NEK1: variants seen among roughly 807,000 people sequenced by gnomAD.
NEK1 encodes NIMA related kinase 1.
In NEK1, 137 loss-of-function variants were observed where a neutral mutation model predicts 182.1. The observed-to-expected ratio is 0.75, with a 90% CI of 0.65 to 0.87. The LOEUF is 0.87. Ranked by LOEUF, NEK1 falls within the 40% of genes least tolerant of loss-of-function variation. NEK1 has a pLI of 0.00. For missense variants in NEK1, 1,391 were observed against 1,494.4 expected (o/e 0.93, Z 1.14); for synonymous variants, 513 against 492.2 (o/e 1.04, Z -0.56).
At chr4:169,567,025 G>C (rs1421653442) in intron 12 of NEK1, among the ~76,000 whole-genome samples, 2 of 152,006 alleles carry the variant, frequency 1.3e-5, no homozygotes, top group Non-Finnish European at 2.9e-5. Flanking sequence ...GGGAGGTGGA[G>C]GTTGTAGTGA....
intron 26 of NEK1, among the ~76,000 whole-genome samples, chr4:169,467,176 A>G (rs903502440): frequency 6.6e-6 from 1 of 152,082 alleles, no homozygotes; most frequent in African/African-American, 2.4e-5. Context: ...TACGTATAAC[A>G]TGTAAAATAT....
At chr4:169,505,862 T>C (rs1259616700) in intron 23 of NEK1, among the ~76,000 whole-genome samples, 2 of 152,032 alleles carry the variant, frequency 1.3e-5, no homozygotes, top group African/African-American at 4.8e-5. Context: ...AAAAAAAACC[T>C]TTAAAGATTG....
intron 30 of NEK1, among the ~76,000 whole-genome samples, chr4:169,425,477 G>GA (rs1305147878): frequency 1.3e-5 from 2 of 151,268 alleles, no homozygotes; most frequent in Non-Finnish European, 2.9e-5. Context: ...AAAGAAAGGT[G>GA]AAAAAATACA....
chr4:169,611,132 A>C (rs1772256211), intron 2 of NEK1, among the ~76,000 whole-genome samples: 1 of 152,242 alleles, frequency 6.6e-6, no homozygotes, highest in African/African-American at 2.4e-5. Context: ...CATGACTTAG[A>C]CTAGAAGGCA....
At chr4:169,599,851 G>C (rs922714778) in intron 4 of NEK1, among the ~76,000 whole-genome samples, 5 of 151,890 alleles carry the variant, frequency 3.3e-5, no homozygotes, top group Non-Finnish European at 5.9e-5. Flanking sequence ...TCTTCCTATG[G>C]ATAGAAAGGA....
At chr4:169,405,102 A>C (rs1732364960) in intron 32 of NEK1, among the ~76,000 whole-genome samples, 1 of 152,224 alleles carries the variant, frequency 6.6e-6, no homozygotes, top group Admixed American at 6.5e-5. Flanking sequence ...TGTAGAGCAC[A>C]GTCATGAATT....
chr4:169,419,982 G>A (rs1735202659), intron 31 of NEK1, among the ~76,000 whole-genome samples: 1 of 152,170 alleles, frequency 6.6e-6, no homozygotes. Flanking sequence ...AGTGGTGAGT[G>A]AAATGTGAAG....
intron 2 of NEK1, among the ~76,000 whole-genome samples, chr4:169,609,896 A>G (rs955434777): frequency 6.6e-6 from 1 of 152,186 alleles, no homozygotes; most frequent in African/African-American, 2.4e-5. Flanking sequence ...CTCACTTTTG[A>G]CATTCAAAGT....
At chr4:169,590,317 T>TAGACAGAC (rs779764524) in intron 6 of NEK1, among the ~76,000 whole-genome samples, 10,021 of 139,788 alleles carry the variant, frequency 0.072, 410 homozygotes, top group African/African-American at 0.13. Flanking sequence ...TCAAAAACAA[T>TAGACAGAC]AGATAGACAG....
intron 28 of NEK1, among the ~76,000 whole-genome samples, chr4:169,437,432 A>T (rs954590338): frequency 1.3e-5 from 2 of 152,150 alleles, no homozygotes; most frequent in African/African-American, 2.4e-5. Flanking sequence ...ACTATGGCAG[A>T]TTTAGGACAG....
rs1324823313 is a variant in NEK1 at position 169,589,523 on chromosome 4, G to C, written c.397-9C>G. On this transcript the variant is annotated splice_polypyrimidine_tract_variant and intron_variant, in intron 6 of 35. Transcript: ENST00000507142. ...TTAGTTAAAAATATGTTCTGTAAAA[G>C]ACAGGAAAAAAAAAAACCCTAGAAA... 3 of 1,420,276 alleles carry C rather than the reference G, an allele frequency of 2.1e-6. No individual in the cohort carries two copies. The highest frequency in any genetic ancestry group is 2.9e-6 in the Non-Finnish European group (3 of 1,052,444). The allele number at this position is 1,420,276 out of a possible 1,614,324, so 88.0% of individuals were successfully genotyped here. A position where few individuals can be genotyped will look rare whatever the true frequency, so the allele number is the denominator to read the frequency against.
chr4:169,610,938 GGAAAA>G, intron 2 of NEK1, among the ~76,000 whole-genome samples: 1 of 152,080 alleles, frequency 6.6e-6, no homozygotes, highest in African/African-American at 2.4e-5. Flanking sequence ...TATCTTCTCA[GGAAAA>G]AAGTTCTTTA....
intron 2 of NEK1, among the ~76,000 whole-genome samples, chr4:169,603,385 GTAGT>G (rs1455300036): frequency 6.6e-6 from 1 of 152,162 alleles, no homozygotes; most frequent in Non-Finnish European, 1.5e-5. Context: ...ATAAAGGGTA[GTAGT>G]TAAAGAACAC....
chr4:169,457,112 G>C (rs1158920372), intron 27 of NEK1, among the ~76,000 whole-genome samples: 1 of 152,130 alleles, frequency 6.6e-6, no homozygotes, highest in African/African-American at 2.4e-5. Flanking sequence ...CAAAAATACA[G>C]TTAGACAGAA....
chr4:169,587,476 GATAAT>G, intron 9 of NEK1, 78 bp downstream of exon 9: 1 of 775,968 alleles, frequency 1.3e-6, no homozygotes, highest in South Asian at 2.1e-5. Context: ...TTACCTGAAA[GATAAT>G]ATAACTTAAA....
At chr4:169,499,942 T>TTTAAGTCTGCAGAGGA (rs1395137284) in intron 23 of NEK1, among the ~76,000 whole-genome samples, 2 of 152,206 alleles carry the variant, frequency 1.3e-5, no homozygotes, top group East Asian at 3.8e-4. Context: ...GACAGGGACA[T>TTTAAGTCTGCAGAGGA]TTAAGTCTGC....
chr4:169,453,315 TAAA>T (rs1489574977), intron 27 of NEK1, among the ~76,000 whole-genome samples: 4 of 152,174 alleles, frequency 2.6e-5, no homozygotes, highest in Non-Finnish European at 5.9e-5. Context: ...AAAACTACTT[TAAA>T]GTTCATATGG....
At chr4:169,561,783 T>C in intron 14 of NEK1, 46 bp from the exon 15 acceptor site, 1 of 1,600,636 alleles carries the variant, frequency 6.2e-7, no homozygotes, top group Non-Finnish European at 8.5e-7. Flanking sequence ...TTGAACCTAT[T>C]ATCACTTAAC....
rs1057064343 is a variant in NEK1 at position 169,607,884 on chromosome 4, A to G, written c.-49+4136T>C. On this transcript the variant is annotated intron_variant, in intron 2 of 35. Transcript: ENST00000507142. Reference sequence around the variant, plus strand: ...GCAGAAGGCAGGATTACTAGCCTATAAAATGAACCAATAGAAAATATTCAA... The same window carrying G: ...GCAGAAGGCAGGATTACTAGCCTATGAAATGAACCAATAGAAAATATTCAA... Among the ~76,000 whole-genome samples, 3 of 152,208 alleles carry G rather than the reference A, an allele frequency of 2.0e-5. No homozygotes were observed. The South Asian group carries it at 6.2e-4, about 31-fold the overall frequency.
Sources: gnomAD v4.1 joint callset for allele counts (sites outside exome capture counted in the v4.1 genomes callset) on GRCh38, gnomAD v4.1.1 for gene constraint, MANE v1.5 for transcripts, NCBI Gene and HGNC (gene_info 2026-07-23, HGNC 2026-07-21) for gene names.